GFPT2: variants seen among roughly 807,000 people sequenced by gnomAD.
GFPT2 encodes glutamine--fructose-6-phosphate aminotransferase [isomerizing] 2.
A neutral mutation model predicts 85.6 loss-of-function variants in GFPT2; 62 were observed. That is an observed-to-expected ratio of 0.72 (90% CI 0.59 to 0.90). The LOEUF (loss-of-function observed/expected upper bound fraction) is 0.90, where lower values mean the gene tolerates loss of function less well. GFPT2 is among the 40% of genes least tolerant of loss of function. The pLI, the probability that GFPT2 is intolerant of heterozygous loss-of-function variation, is 0.00. For synonymous variants in GFPT2, 368 were observed against 344.5 expected (o/e 1.07, Z -0.75); for missense variants, 788 against 893.4 (o/e 0.88, Z 1.50).
At chr5:180,340,481 C>T (rs1317898183) in intron 1 of GFPT2, among the ~76,000 whole-genome samples, 2 of 149,592 alleles carry the variant, frequency 1.3e-5, no homozygotes, top group East Asian at 2.0e-4. Flanking sequence ...GCTGGGATTA[C>T]AGGCGTGAGC....
intron 9 of GFPT2, among the ~76,000 whole-genome samples, chr5:180,321,938 C>T (rs899407287): frequency 2.6e-5 from 4 of 152,066 alleles, no homozygotes; most frequent in African/African-American, 9.7e-5. Context: ...CCTCCGCCAC[C>T]ACGCCCGGCT....
chr5:180,312,006 A>AGGGGCAGG (rs1236147207), intron 15 of GFPT2, among the ~76,000 whole-genome samples: 5 of 25,006 alleles, frequency 2.0e-4, no homozygotes, highest in African/African-American at 8.0e-4. Flanking sequence ...GGGGAGGCTG[A>AGGGGCAGG]GGGGCAGGGA....
intron 4 of GFPT2, among the ~76,000 whole-genome samples, chr5:180,333,417 G>A (rs1764342890): frequency 6.6e-6 from 1 of 152,022 alleles, no homozygotes; most frequent in South Asian, 2.1e-4. Flanking sequence ...TGTATTTTTA[G>A]TAGAGATGGG....
In GFPT2 at chr5:180,330,843, T is replaced by G; in HGVS notation, c.400-9A>C. 1 of 1,613,736 alleles carries G rather than the reference T, an allele frequency of 6.2e-7. No homozygotes were observed. Among genetic ancestry groups the G allele is most frequent in the South Asian group, 1.1e-5 (1 of 91,040 alleles). The stretch of plus-strand genomic sequence containing the variant: ...TCGTAGCCTTTGCTTTCCTGGAATA[T>G]GCAGTCGGCACAGTGTGAGAGATTG... On this transcript the variant is annotated splice_polypyrimidine_tract_variant and intron_variant, in intron 5 of 18. Coordinates refer to ENST00000253778, the MANE Select transcript of GFPT2 (RefSeq NM_005110.4). This position sits in a 1 kb window ranked among gnomAD's most constrained non-coding sequence, Gnocchi z 4.4.
intron 1 of GFPT2, among the ~76,000 whole-genome samples, chr5:180,348,498 T>C (rs1048729518): frequency 1.3e-5 from 2 of 152,184 alleles, no homozygotes; most frequent in African/African-American, 4.8e-5. Context: ...CGCGGATGCA[T>C]GTGATCCCAC....
chr5:180,353,231 C>T lies in GFPT2; in HGVS notation c.-14G>A. Reference sequence around the variant, plus strand: ...CTCACCGCACATCGTGGCTGCTTCTCGGGCTCCTTCGCGGCTCGAGGGGGT... The same window carrying T: ...CTCACCGCACATCGTGGCTGCTTCTTGGGCTCCTTCGCGGCTCGAGGGGGT... On this transcript the variant is annotated 5_prime_UTR_variant, in exon 1 of 19. Coordinates refer to ENST00000253778, the MANE Select transcript of GFPT2 (RefSeq NM_005110.4). The T allele has an allele frequency of 3.2e-6, 4 of 1,241,574 alleles. No individual in the cohort carries two copies. The highest frequency in any genetic ancestry group is 3.0e-6 in the Non-Finnish European group (3 of 988,836). The allele number at this position is 1,241,574 out of a possible 1,614,324, so 76.9% of individuals were successfully genotyped here.
Position 180,332,006 on chromosome 5 carries a change from G to A in GFPT2, c.341-453C>T, listed in dbSNP as rs148269811. 6.6e-3 allele frequency among the ~76,000 whole-genome samples: 1,005 copies of A among 152,350 alleles called. 7 individuals carry two copies. The highest frequency in any genetic ancestry group is 9.7e-3 in the Non-Finnish European group (661 of 68,032). On this transcript the variant is annotated intron_variant, in intron 4 of 18. Transcript: ENST00000253778. ...CACCGTGCTGTGTTTGACCCACACT[G>A]TGTTGTAAAAATATTTGAGTTTTTA...
chr5:180,349,881 T>G (rs953291052), intron 1 of GFPT2, among the ~76,000 whole-genome samples: 5 of 151,664 alleles, frequency 3.3e-5, no homozygotes, highest in African/African-American at 1.2e-4. Flanking sequence ...AGTGATTGTT[T>G]TTTTTTTTTT....
chr5:180,324,138 A>G (rs1373243922), intron 9 of GFPT2, 50 bp downstream of exon 9: 2 of 1,015,830 alleles, frequency 2.0e-6, no homozygotes, highest in African/African-American at 3.2e-5. Flanking sequence ...TTAGACAGGC[A>G]TTCTTTGATT....
chr5:180,318,030 C>A lies in GFPT2; in HGVS notation c.958+763G>T, dbSNP rs925559565. ...AGCAAGTGAGGGGAATGAGGGGTGG[C>A]CACCATAGGGGAGGGGCTGGGGAGG... On this transcript the variant is annotated intron_variant, in intron 10 of 18. Transcript: ENST00000253778. This position sits in a 1 kb window ranked among gnomAD's most constrained non-coding sequence, Gnocchi z 4.2. Among the ~76,000 whole-genome samples, 2 of 152,082 alleles carry A rather than the reference C, an allele frequency of 1.3e-5. No homozygotes were observed. The highest frequency in any genetic ancestry group is 4.8e-5 in the African/African-American group (2 of 41,382).
At chr5:180,321,818 C>A (rs1352860250) in intron 9 of GFPT2, among the ~76,000 whole-genome samples, 1 of 152,202 alleles carries the variant, frequency 6.6e-6, no homozygotes, top group Non-Finnish European at 1.5e-5. Flanking sequence ...GAGTCTCGCT[C>A]TGTTGCCCAG....
intron 1 of GFPT2, among the ~76,000 whole-genome samples, chr5:180,349,377 C>G (rs1455512446): frequency 6.6e-6 from 1 of 152,178 alleles, no homozygotes; most frequent in African/African-American, 2.4e-5. Context: ...AATTTTCTCT[C>G]AAACTTATAA....
chr5:180,351,921 A>G (rs1291074513), intron 1 of GFPT2, among the ~76,000 whole-genome samples: 4 of 152,196 alleles, frequency 2.6e-5, no homozygotes, highest in Admixed American at 2.0e-4. Flanking sequence ...GTTTTGGCCA[A>G]GGGTCTTGAA....
intron 4 of GFPT2, among the ~76,000 whole-genome samples, chr5:180,334,469 GGTGCTGCTCTC>G (rs1764361861): frequency 6.6e-6 from 1 of 152,238 alleles, no homozygotes; most frequent in African/African-American, 2.4e-5. Flanking sequence ...CAAGCAGGCT[GGTGCTGCTCTC>G]CTGTGGCCTG....
In GFPT2 at chr5:180,331,517, T is replaced by TA; in HGVS notation, c.376dup (p.Tyr126LeufsTer16). 1 of 1,594,844 alleles carries TA rather than the reference T, an allele frequency of 6.3e-7. No homozygotes were observed. The highest frequency in any genetic ancestry group is 8.6e-7 in the Non-Finnish European group (1 of 1,162,394). ...TACCAGAAATTTCCTCAGATCTTTG[T>TA]AATTTGTGATGATCCCATTGTGGAT... On this transcript the variant is annotated frameshift_variant, in exon 5 of 19. Coordinates refer to ENST00000253778, the MANE Select transcript of GFPT2 (RefSeq NM_005110.4). LOFTEE classifies it high-confidence loss of function.
intron 4 of GFPT2, among the ~76,000 whole-genome samples, chr5:180,335,382 C>T (rs1178515465): frequency 1.3e-5 from 2 of 152,236 alleles, no homozygotes; most frequent in Non-Finnish European, 2.9e-5. Flanking sequence ...AGTACAGCCC[C>T]TGCCCTCACC....
intron 1 of GFPT2, among the ~76,000 whole-genome samples, chr5:180,347,373 G>C (rs973574253): frequency 6.6e-6 from 1 of 151,954 alleles, no homozygotes; most frequent in Non-Finnish European, 1.5e-5. Context: ...CACCCAGTTT[G>C]GTCATGTGCC....
At chr5:180,311,651 A>G (rs1763882787) in intron 15 of GFPT2, among the ~76,000 whole-genome samples, 1 of 152,178 alleles carries the variant, frequency 6.6e-6, no homozygotes, top group African/African-American at 2.4e-5. Flanking sequence ...TCTGGCAGAC[A>G]GAGCTGTGTG....
At chr5:180,307,352 A>G in intron 15 of GFPT2, 49 bp from the exon 16 acceptor site, 1 of 1,600,312 alleles carries the variant, frequency 6.2e-7, no homozygotes, top group Non-Finnish European at 8.6e-7. Context: ...GCCGACTTTA[A>G]AGCAATATTC....
Sources: allele counts gnomAD v4.1 joint callset (sites outside exome capture counted in the v4.1 genomes callset), GRCh38; gene constraint gnomAD v4.1.1; non-coding constraint Gnocchi (gnomAD v3.1); transcripts MANE v1.5; gene names NCBI Gene and HGNC (gene_info 2026-07-23, HGNC 2026-07-21).